Variants in NINJ2 observed in about 807,000 individuals in gnomAD.
The protein encoded by NINJ2 is ninjurin-2.
In NINJ2, 12 loss-of-function variants were observed where a neutral mutation model predicts 11.7. The observed-to-expected ratio is 1.02, with a 90% CI of 0.66 to 1.66. The LOEUF (loss-of-function observed/expected upper bound fraction) is 1.66, where lower values mean the gene tolerates loss of function less well. Ranked by LOEUF, NINJ2 falls within the 40% of genes most tolerant of loss-of-function variation. NINJ2 has a pLI of 0.00. For synonymous variants in NINJ2, 93 were observed against 76.8 expected, an observed-to-expected ratio of 1.21 and a Z score of -1.10; for missense variants, 187 against 181.8, an observed-to-expected ratio of 1.03 and a Z score of -0.16.
chr12:567,560 G>T (rs944269081), intron 1 of NINJ2, among the ~76,000 whole-genome samples: 5 of 152,124 alleles, frequency 3.3e-5, no homozygotes, highest in African/African-American at 4.8e-5. Context: ...GGTCTCAGAG[G>T]GTCTGGAATG....
intron 1 of NINJ2, among the ~76,000 whole-genome samples, chr12:600,178 G>A (rs1592088312): frequency 6.6e-6 from 1 of 152,162 alleles, no homozygotes; most frequent in African/African-American, 2.4e-5. Context: ...AGTCCTTCTG[G>A]GAGACATGCA....
rs1260317443 is a variant in NINJ2 at position 566,041 on chromosome 12, T to A, written c.171A>T (p.Gly57=). The A allele has an allele frequency of 9.3e-6, 15 of 1,614,074 alleles. No homozygotes were observed. The highest frequency in any genetic ancestry group is 1.3e-5 in the Non-Finnish European group (15 of 1,180,006). Reference sequence around the variant, plus strand: ...GGGTGGTGTAGTAGTGAGAGGATGGTCCCTGCTCCAGCACCGCCTTCAGCC... The same window carrying A: ...GGGTGGTGTAGTAGTGAGAGGATGGACCCTGCTCCAGCACCGCCTTCAGCC... ...AMRLKAVLEQ[G]PSSHYYTTLV... The change falls in exon 2 of 4, where the codon GGA becomes GGT. Residue 57 remains glycine, a synonymous_variant. Transcript: ENST00000305108.
chr12:661,448 G>A (rs1937957501), intron 1 of NINJ2, among the ~76,000 whole-genome samples: 1 of 152,204 alleles, frequency 6.6e-6, no homozygotes, highest in Non-Finnish European at 1.5e-5. Flanking sequence ...TAAGATACAA[G>A]AATTAAATAG....
intron 1 of NINJ2, among the ~76,000 whole-genome samples, chr12:584,409 G>A (rs1029237055): frequency 6.6e-6 from 1 of 152,104 alleles, no homozygotes; most frequent in Non-Finnish European, 1.5e-5. Flanking sequence ...GGTGGCTCAC[G>A]CCTGTAATCC....
intron 1 of NINJ2, among the ~76,000 whole-genome samples, chr12:593,115 G>GA (rs776327827): frequency 1.3e-5 from 2 of 152,016 alleles, no homozygotes; most frequent in African/African-American, 4.8e-5. Context: ...TTTTTTAATG[G>GA]AAAAAATCCA....
At chr12:572,057 T>C (rs1033195125) in intron 1 of NINJ2, among the ~76,000 whole-genome samples, 11 of 152,250 alleles carry the variant, frequency 7.2e-5, no homozygotes, top group Non-Finnish European at 1.6e-4. Flanking sequence ...AGCCCTGCTT[T>C]AATGAGTGAG....
At chr12:598,545 G>C (rs139971995) in intron 1 of NINJ2, among the ~76,000 whole-genome samples, 143 of 152,304 alleles carry the variant, frequency 9.4e-4, no homozygotes, top group African/African-American at 3.2e-3. Context: ...GAGGAGAAAG[G>C]GGGGGAGACA....
intron 1 of NINJ2, among the ~76,000 whole-genome samples, chr12:577,430 C>CATATATATATGTATATATATAT (rs372597339): frequency 1.1e-5 from 1 of 93,988 alleles, no homozygotes; most frequent in Non-Finnish European, 2.4e-5. Context: ...TATATATATA[C>CATATATATATGTATATATATAT]ATATATATAT....
intron 1 of NINJ2, among the ~76,000 whole-genome samples, chr12:577,416 C>CATATATATACATACATATATATATGT (rs1947474810): frequency 1.6e-5 from 2 of 121,236 alleles, no homozygotes; most frequent in African/African-American, 6.3e-5. Flanking sequence ...ACACTAGTCT[C>CATATATATACATACATATATATATGT]ATATATATAT....
intron 1 of NINJ2, chr12:589,646 A>G (rs958002111): frequency 6.6e-6 from 1 of 152,234 alleles, no homozygotes; most frequent in East Asian, 1.9e-4. Flanking sequence ...GAAAAATATA[A>G]TAAAGATGAA....
At chr12:622,122 GAAA>G (rs71045087) in intron 1 of NINJ2, among the ~76,000 whole-genome samples, 7 of 101,306 alleles carry the variant, frequency 6.9e-5, no homozygotes, top group Admixed American at 2.3e-4. Flanking sequence ...ACTGTGTCGG[GAAA>G]AAAAAAAAAA....
rs540091607 is a variant in NINJ2 at position 567,319 on chromosome 12, G to T, written c.34-1141C>A. Among the ~76,000 whole-genome samples the T allele has an allele frequency of 1.5e-5, 2 of 129,804 alleles. 1 individual carries two copies. Among genetic ancestry groups the T allele is most frequent in the South Asian group, 4.9e-4 (2 of 4,122 alleles). 85.2% of individuals were successfully genotyped at this position (129,804 alleles called of 152,430 possible). A position where few individuals can be genotyped will look rare whatever the true frequency, so the allele number is the denominator to read the frequency against. On this transcript the variant is annotated intron_variant, in intron 1 of 3. Transcript: ENST00000305108. ...CCACGACAGGACAGATACCTGCTGC[G>T]TGGGGACAGATGGATGGATAGATGG... is the stretch of plus-strand genomic sequence containing the variant.
At chr12:625,783 C>A (rs1948204850) in intron 1 of NINJ2, among the ~76,000 whole-genome samples, 1 of 152,134 alleles carries the variant, frequency 6.6e-6, no homozygotes, top group Non-Finnish European at 1.5e-5. Context: ...GAGATAGAGT[C>A]TATCAAAACA....
At chr12:568,281 A>G (rs1947329207) in intron 1 of NINJ2, among the ~76,000 whole-genome samples, 1 of 152,216 alleles carries the variant, frequency 6.6e-6, no homozygotes, top group African/African-American at 2.4e-5. Context: ...TTGGAGATCC[A>G]GCTCTAATCC....
intron 1 of NINJ2, among the ~76,000 whole-genome samples, chr12:611,816 A>G (rs1056850186): frequency 6.6e-6 from 1 of 152,220 alleles, no homozygotes; most frequent in Admixed American, 6.5e-5. Context: ...AACTTCCATG[A>G]GTTTCCAGGA....
chr12:615,288 CCTT>C (rs1250275768), intron 1 of NINJ2, among the ~76,000 whole-genome samples: 3 of 152,134 alleles, frequency 2.0e-5, no homozygotes, highest in Non-Finnish European at 4.4e-5. Context: ...GGCTAGATCT[CCTT>C]CTCGTTCTTT....
intron 1 of NINJ2, chr12:586,050 G>C (rs1480700265): frequency 2.6e-5 from 4 of 152,138 alleles, no homozygotes; most frequent in Non-Finnish European, 5.9e-5. Context: ...TAATTTGCAT[G>C]GCCCAGTAAA....
chr12:652,134 C>CA (rs1262009219), intron 1 of NINJ2, among the ~76,000 whole-genome samples: 1 of 151,428 alleles, frequency 6.6e-6, no homozygotes, highest in African/African-American at 2.4e-5. Flanking sequence ...TAAAGAGCTA[C>CA]AAAAAAATCG....
At chr12:599,626 C>G (rs79755484) in intron 1 of NINJ2, among the ~76,000 whole-genome samples, 8,724 of 152,260 alleles carry the variant, frequency 0.057, 286 homozygotes, top group African/African-American at 0.083. Flanking sequence ...AGAGACTTAT[C>G]AGGATGCCAC....
Sources: allele counts gnomAD v4.1 joint callset (sites outside exome capture counted in the v4.1 genomes callset), GRCh38; gene constraint gnomAD v4.1.1; transcripts MANE v1.5; gene names NCBI Gene and HGNC (gene_info 2026-07-23, HGNC 2026-07-21).